ACSL1: variants seen among roughly 807,000 people sequenced by gnomAD.
ACSL1 encodes the protein long-chain-fatty-acid--CoA ligase 1.
In ACSL1, 41 loss-of-function variants were observed where a neutral mutation model predicts 98.4. The ratio of observed to expected loss-of-function variants is 0.42; its 90% confidence interval spans 0.32 to 0.54. The LOEUF is 0.54. Ranked by LOEUF, ACSL1 falls within the 20% of genes least tolerant of loss-of-function variation. The pLI, the probability that ACSL1 is intolerant of heterozygous loss-of-function variation, is 0.13. For missense variants in ACSL1, 734 were observed against 883.1 expected, an observed-to-expected ratio of 0.83 and a Z score of 2.14; for synonymous variants, 316 against 322.7, an observed-to-expected ratio of 0.98 and a Z score of 0.22.
At chr4:184,784,767 C>T (rs1450039552) in intron 3 of ACSL1, among the ~76,000 whole-genome samples, 11 of 152,150 alleles carry the variant, frequency 7.2e-5, no homozygotes, top group Admixed American at 5.9e-4. Flanking sequence ...CCCCAGACAA[C>T]GGCAGTGTGC....
intron 1 of ACSL1, among the ~76,000 whole-genome samples, chr4:184,824,177 G>A (rs190527575): frequency 2.6e-5 from 4 of 152,334 alleles, no homozygotes; most frequent in Admixed American, 2.0e-4. Context: ...CCAGTCTGGA[G>A]TGCAGTGGCG....
At chr4:184,820,954 G>A in intron 1 of ACSL1, 1 of 449,270 alleles carries the variant, frequency 2.2e-6, no homozygotes, top group East Asian at 7.0e-5. Flanking sequence ...CCAGCAATTA[G>A]GAGCACAGAC....
At chr4:184,780,514 C>G (rs879199538) in intron 4 of ACSL1, 81 bp from the exon 5 acceptor site, 2 of 992,258 alleles carry the variant, frequency 2.0e-6, no homozygotes, top group South Asian at 2.7e-5. Flanking sequence ...AGGCTTGTAT[C>G]TCAGCCAGCA....
At position 184,772,123 on chromosome 4, in the gene ACSL1, G is replaced by A. The variant is rs551285051; in HGVS notation, c.915+958C>T. ...AAGTTCTGTAATCATTTGCCTCAAT[G>A]AGCCACCAATGCATTTTAAGTTTTG... On this transcript the variant is annotated intron_variant, in intron 10 of 20. Coordinates refer to ENST00000281455, the MANE Select transcript of ACSL1 (RefSeq NM_001995.5). Among the ~76,000 whole-genome samples, 21 of 152,292 alleles carry A rather than the reference G, an allele frequency of 1.4e-4. No individual in the cohort carries two copies. In the South Asian group the frequency reaches 4.3e-3, roughly 32 times the overall value.
At chr4:184,770,537 C>T (rs1463488897) in intron 10 of ACSL1, 61 bp from the exon 11 acceptor site, 10 of 1,242,454 alleles carry the variant, frequency 8.0e-6, no homozygotes, top group Middle Eastern at 2.1e-4. Flanking sequence ...AGGGGAACAT[C>T]GCACACCAGG....
intron 17 of ACSL1, 62 bp from the exon 18 acceptor site, chr4:184,760,562 T>C: frequency 6.3e-7 from 1 of 1,597,770 alleles, no homozygotes; most frequent in South Asian, 1.1e-5. Flanking sequence ...CCAGGATGGA[T>C]CCCAGTACAA....
chr4:184,787,804 C>T (rs1048070848), intron 3 of ACSL1, among the ~76,000 whole-genome samples: 6 of 150,564 alleles, frequency 4.0e-5, no homozygotes, highest in South Asian at 2.1e-4. Context: ...GTGTAGGCTG[C>T]GGTGAGCCAA....
At chr4:184,776,153 G>A (rs1289486490) in intron 7 of ACSL1, among the ~76,000 whole-genome samples, 2 of 152,226 alleles carry the variant, frequency 1.3e-5, no homozygotes, top group African/African-American at 2.4e-5. Context: ...AGGCATTAAA[G>A]CCCAAAGGAG....
At chr4:184,808,355 T>G in intron 1 of ACSL1, 1 of 985,450 alleles carries the variant, frequency 1.0e-6, no homozygotes. Flanking sequence ...GATGTTTCTC[T>G]CCTTCTAAAG....
At chr4:184,785,360 C>T (rs73012211) in intron 3 of ACSL1, among the ~76,000 whole-genome samples, 2,337 of 152,040 alleles carry the variant, frequency 0.015, 56 homozygotes, top group African/African-American at 0.053. Context: ...AGAAGCTCCC[C>T]GATGGCACAA....
intron 1 of ACSL1, among the ~76,000 whole-genome samples, chr4:184,811,269 T>A (rs55704611): frequency 6.6e-6 from 1 of 150,854 alleles, no homozygotes; most frequent in Non-Finnish European, 1.5e-5. Context: ...CCACCACGCC[T>A]GGCTAATTTT....
Position 184,768,406 on chromosome 4 carries a change from T to G in ACSL1, c.1038A>C (p.Gly346=). 1 of 1,613,788 alleles carries G rather than the reference T, an allele frequency of 6.2e-7. No homozygotes were observed. Among genetic ancestry groups the G allele is most frequent in the Non-Finnish European group, 8.5e-7 (1 of 1,179,944 alleles). ...GGTCATCCATGAGCAGCCTGATATC[T>G]CCTTGGAAAAATCCGATTTTAGCTC... ...CHGAKIGFFQ[G]DIRLLMDDLK... The change falls in exon 12 of 21, where the codon GGA becomes GGC. Residue 346 remains glycine (G), a synonymous_variant. Transcript: ENST00000281455.
At chr4:184,792,087 G>A (rs967241684) in intron 2 of ACSL1, among the ~76,000 whole-genome samples, 3 of 152,096 alleles carry the variant, frequency 2.0e-5, no homozygotes, top group Non-Finnish European at 2.9e-5. Flanking sequence ...TCTGGAATCC[G>A]AGAAACATGG....
At chr4:184,813,913 C>T in intron 1 of ACSL1, 1 of 455,396 alleles carries the variant, frequency 2.2e-6, no homozygotes, top group Non-Finnish European at 4.4e-6. Flanking sequence ...GAGAAGGTAC[C>T]TAGATCCTGG....
chr4:184,818,117 G>A (rs1417932250), intron 1 of ACSL1, among the ~76,000 whole-genome samples: 1 of 152,118 alleles, frequency 6.6e-6, no homozygotes, highest in Non-Finnish European at 1.5e-5. Flanking sequence ...GACAGATAAG[G>A]TCCCCCGCCA....
chr4:184,776,557 T>A lies in ACSL1; in HGVS notation c.683A>T (p.Asp228Val), dbSNP rs759205525. ...IPGLKIIVVM[D>V]AYGSELVERG... ...TTCCACCAGTTCACTGCCGTAGGCA[T>A]CCATGACAACTATGATTTTAAGGCC... The change falls in exon 7 of 21, where the codon GAT (aspartate) becomes GTT (valine). Residue 228 changes from aspartate to valine, a missense_variant. Transcript: ENST00000281455. 1.2e-6 allele frequency: 2 copies of A among 1,614,202 alleles called. No homozygotes were observed. The highest frequency in any genetic ancestry group is 4.5e-5 in the East Asian group (2 of 44,878).
chr4:184,774,232 G>A (rs1364425153), intron 7 of ACSL1, among the ~76,000 whole-genome samples: 1 of 152,090 alleles, frequency 6.6e-6, no homozygotes, highest in Admixed American at 6.5e-5. Flanking sequence ...ATAAAGCCCT[G>A]TTCTTAACCA....
intron 2 of ACSL1, among the ~76,000 whole-genome samples, chr4:184,791,812 G>C (rs1237716720): frequency 1.3e-5 from 2 of 152,074 alleles, no homozygotes; most frequent in Non-Finnish European, 2.9e-5. Flanking sequence ...CAGGTAATGG[G>C]GTGTAAGCAG....
intron 5 of ACSL1, among the ~76,000 whole-genome samples, chr4:184,778,657 A>T (rs1272121796): frequency 6.6e-6 from 1 of 152,210 alleles, no homozygotes; most frequent in Non-Finnish European, 1.5e-5. Context: ...TACCTCAGGA[A>T]GAGAGGCCGA....
Sources: allele counts gnomAD v4.1 joint callset (sites outside exome capture counted in the v4.1 genomes callset), GRCh38; gene constraint gnomAD v4.1.1; transcripts MANE v1.5; gene names NCBI Gene and HGNC (gene_info 2026-07-23, HGNC 2026-07-21).